Variants in COL26A1 observed in about 807,000 individuals in gnomAD.
The protein encoded by COL26A1 is collagen type XXVI alpha 1 chain.
In COL26A1, 41 loss-of-function variants were observed where a neutral mutation model predicts 59.3. That is an observed-to-expected ratio of 0.69 (90% CI 0.54 to 0.90). The LOEUF is 0.90. COL26A1 is among the 40% of genes least tolerant of loss of function. The probability of loss-of-function intolerance (pLI) is 0.00; values close to 1 mark genes in which losing one functional copy is unlikely to be tolerated. For synonymous variants in COL26A1, 266 were observed against 256.0 expected, an observed-to-expected ratio of 1.04 and a Z score of -0.37; for missense variants, 612 against 602.3, an observed-to-expected ratio of 1.02 and a Z score of -0.17.
intron 3 of COL26A1, among the ~76,000 whole-genome samples, chr7:101,511,509 A>G (rs1169296654): frequency 2.6e-5 from 4 of 152,222 alleles, no homozygotes; most frequent in African/African-American, 9.6e-5. Context: ...GGCGGCTCAG[A>G]GCCCTGCTCT....
At chr7:101,436,719 AT>A (rs112704337) in intron 2 of COL26A1, among the ~76,000 whole-genome samples, 24,793 of 140,200 alleles carry the variant, frequency 0.18, 3,795 homozygotes, top group African/African-American at 0.43. Context: ...CCAGCATTTC[AT>A]TTTTTTTTTT....
intron 1 of COL26A1, among the ~76,000 whole-genome samples, chr7:101,411,532 G>A (rs1050232322): frequency 1.6e-4 from 25 of 152,146 alleles, no homozygotes; most frequent in African/African-American, 6.0e-4. Flanking sequence ...GGAAGGGAGG[G>A]AGGAAAGGAG....
At chr7:101,444,010 T>C (rs540274844) in intron 2 of COL26A1, among the ~76,000 whole-genome samples, 2 of 152,054 alleles carry the variant, frequency 1.3e-5, no homozygotes, top group African/African-American at 4.8e-5. Context: ...TAGCTGGGAC[T>C]ACAGGTGTGC....
intron 2 of COL26A1, among the ~76,000 whole-genome samples, chr7:101,423,403 T>C (rs1792570782): frequency 6.6e-6 from 1 of 152,150 alleles, no homozygotes; most frequent in Non-Finnish European, 1.5e-5. Context: ...TGTTCTCTCC[T>C]TTACCACTTA....
intron 8 of COL26A1, among the ~76,000 whole-genome samples, chr7:101,547,608 C>T (rs1215642748): frequency 6.6e-6 from 1 of 152,246 alleles, no homozygotes; most frequent in Non-Finnish European, 1.5e-5. Context: ...TGGGACCTGG[C>T]TGTCAGTCCT....
intron 3 of COL26A1, among the ~76,000 whole-genome samples, chr7:101,472,262 T>C (rs1793923382): frequency 6.6e-6 from 1 of 152,208 alleles, no homozygotes; most frequent in Non-Finnish European, 1.5e-5. Context: ...GACCTTGGCC[T>C]CCCAAAGTGC....
chr7:101,432,429 A>G (rs934581687), intron 2 of COL26A1, among the ~76,000 whole-genome samples: 6 of 152,136 alleles, frequency 3.9e-5, no homozygotes, highest in African/African-American at 1.4e-4. Context: ...TGGTCCCTTA[A>G]TGGCAGGGAG....
chr7:101,531,218 GC>G (rs1404220570), intron 3 of COL26A1, among the ~76,000 whole-genome samples: 1 of 152,064 alleles, frequency 6.6e-6, no homozygotes, highest in Non-Finnish European at 1.5e-5. Context: ...TGATCCTCCC[GC>G]CTTGGCCTCC....
chr7:101,365,749 G>A (rs1285648183), intron 1 of COL26A1, among the ~76,000 whole-genome samples: 1 of 152,016 alleles, frequency 6.6e-6, no homozygotes, highest in Non-Finnish European at 1.5e-5. Flanking sequence ...TGGCCGGTAC[G>A]GGGATTGAAT....
intron 1 of COL26A1, among the ~76,000 whole-genome samples, chr7:101,407,838 C>G (rs1435094689): frequency 6.6e-6 from 1 of 152,148 alleles, no homozygotes; most frequent in African/African-American, 2.4e-5. Flanking sequence ...AAGTTATCAC[C>G]CGGAAGTTAC....
chr7:101,435,936 G>A (rs1473097757), intron 2 of COL26A1, among the ~76,000 whole-genome samples: 1 of 152,176 alleles, frequency 6.6e-6, no homozygotes, highest in Admixed American at 6.5e-5. Context: ...TGGGTCGCCT[G>A]CTGTTCAGGA....
chr7:101,411,472 T>G (rs2130241998), intron 1 of COL26A1, among the ~76,000 whole-genome samples: 2 of 151,414 alleles, frequency 1.3e-5, no homozygotes, highest in Non-Finnish European at 1.5e-5. Context: ...GGGAGGGGCG[T>G]CAGGACACGG....
intron 3 of COL26A1, among the ~76,000 whole-genome samples, chr7:101,448,939 G>A (rs1344941723): frequency 2.0e-5 from 3 of 152,212 alleles, no homozygotes; most frequent in Non-Finnish European, 2.9e-5. Flanking sequence ...AGAGCTCTTT[G>A]GGTTACAAAG....
chr7:101,441,364 T>G (rs1793053918), intron 2 of COL26A1, among the ~76,000 whole-genome samples: 1 of 152,142 alleles, frequency 6.6e-6, no homozygotes, highest in Non-Finnish European at 1.5e-5. Flanking sequence ...CAGACTGGAG[T>G]GCAGTGGTGC....
chr7:101,486,516 C>T (rs1794273218), intron 3 of COL26A1, among the ~76,000 whole-genome samples: 1 of 152,226 alleles, frequency 6.6e-6, no homozygotes. Flanking sequence ...AGCCCTCACC[C>T]GCCCGCCCTG....
chr7:101,546,181 T>C (rs1795731840), intron 7 of COL26A1, among the ~76,000 whole-genome samples: 1 of 151,724 alleles, frequency 6.6e-6, no homozygotes, highest in African/African-American at 2.4e-5. Flanking sequence ...GGCAGAGGAG[T>C]CCGTGAGCCC....
chr7:101,448,930 G>T (rs1793265117), intron 3 of COL26A1, among the ~76,000 whole-genome samples: 1 of 152,238 alleles, frequency 6.6e-6, no homozygotes, highest in South Asian at 2.1e-4. Context: ...ACTGTCTAAA[G>T]AGCTCTTTGG....
intron 1 of COL26A1, among the ~76,000 whole-genome samples, chr7:101,406,364 T>C (rs1229256204): frequency 1.3e-5 from 2 of 152,120 alleles, no homozygotes; most frequent in Non-Finnish European, 2.9e-5. Flanking sequence ...GCTATTCCTA[T>C]GTGAACAAAA....
intron 3 of COL26A1, among the ~76,000 whole-genome samples, chr7:101,464,707 G>A (rs999104996): frequency 4.0e-5 from 6 of 151,660 alleles, no homozygotes; most frequent in African/African-American, 7.3e-5. Context: ...TACCGTGCCC[G>A]GCCTCTAATT....
Sources: gnomAD v4.1 joint callset for allele counts (sites outside exome capture counted in the v4.1 genomes callset) on GRCh38, gnomAD v4.1.1 for gene constraint, MANE v1.5 for transcripts, NCBI Gene and HGNC (gene_info 2026-07-23, HGNC 2026-07-21) for gene names.